The following TFB1M variants were observed in gnomAD, a reference collection of about 807,000 sequenced individuals.
TFB1M encodes the protein dimethyladenosine transferase 1, mitochondrial.
Under a neutral mutation model 31.1 loss-of-function variants are expected in TFB1M, and 27 were observed. That is an observed-to-expected ratio of 0.87 (90% CI 0.64 to 1.20). The LOEUF (loss-of-function observed/expected upper bound fraction) is 1.20, where lower values mean the gene tolerates loss of function less well. TFB1M is among the 50% of genes most tolerant of loss of function. The pLI is 0.00. For synonymous variants in TFB1M, 166 were observed against 151.8 expected (o/e 1.09, Z -0.69); for missense variants, 394 against 418.7 (o/e 0.94, Z 0.51).
At chr6:155,258,487 G>A (rs1171253706) in intron 6 of TFB1M, among the ~76,000 whole-genome samples, 1 of 152,150 alleles carries the variant, frequency 6.6e-6, no homozygotes, top group Non-Finnish European at 1.5e-5. Flanking sequence ...GAATTTGAAT[G>A]TATCAGCCTT....
the TFB1M span, among the ~76,000 whole-genome samples, chr6:155,231,907 CCT>C: frequency 6.6e-6 from 1 of 152,164 alleles, no homozygotes; most frequent in Non-Finnish European, 1.5e-5. Flanking sequence ...AAACTGAAAC[CCT>C]GTCTCTACTA....
chr6:155,254,594 G>A, downstream of TFB1M: 23 of 1,604,260 alleles, frequency 1.4e-5, no homozygotes, highest in Non-Finnish European at 2.0e-5. Context: ...TGCTAGCCTT[G>A]TGTTTATTCA....
chr6:155,258,453 C>G (rs1180963171), intron 6 of TFB1M, among the ~76,000 whole-genome samples: 1 of 152,170 alleles, frequency 6.6e-6, no homozygotes, highest in Non-Finnish European at 1.5e-5. Flanking sequence ...TCTTGTGTGA[C>G]AAATCATCAG....
intron 5 of TFB1M, among the ~76,000 whole-genome samples, chr6:155,279,640 G>A (rs969214779): frequency 2.4e-4 from 36 of 152,150 alleles, no homozygotes; most frequent in African/African-American, 8.2e-4. Context: ...CTTGACTTTT[G>A]AGATTTTTAG....
intron 4 of TFB1M, among the ~76,000 whole-genome samples, chr6:155,286,394 G>A (rs914888905): frequency 6.6e-6 from 1 of 151,312 alleles, no homozygotes; most frequent in East Asian, 1.9e-4. Context: ...ATGTATATAT[G>A]TATGTATATA....
intron 5 of TFB1M, among the ~76,000 whole-genome samples, chr6:155,266,058 C>T (rs1331408257): frequency 2.0e-5 from 3 of 151,964 alleles, no homozygotes; most frequent in Non-Finnish European, 2.9e-5. Flanking sequence ...AGATTGAGGG[C>T]GGGTCTACCT....
chr6:155,271,687 T>C (rs562165777), intron 5 of TFB1M, among the ~76,000 whole-genome samples: 11 of 152,352 alleles, frequency 7.2e-5, no homozygotes, highest in Non-Finnish European at 1.5e-4. Context: ...ACGACATTGT[T>C]AAAAATATTT....
chr6:155,251,485 C>A (rs1266999462), downstream of TFB1M, among the ~76,000 whole-genome samples: 1 of 152,126 alleles, frequency 6.6e-6, no homozygotes, highest in East Asian at 1.9e-4. Context: ...TGGGGTTTCA[C>A]CATGCTGGCC....
At chr6:155,254,560 T>G, downstream of TFB1M, 1 of 1,611,310 alleles carries the variant, frequency 6.2e-7, no homozygotes. Context: ...GAGTTCCTGT[T>G]TCGGCCAAAT....
intron 2 of TFB1M, among the ~76,000 whole-genome samples, chr6:155,304,470 C>CAGAGA (rs1272571857): frequency 6.6e-6 from 1 of 152,006 alleles, no homozygotes; most frequent in African/African-American, 2.4e-5. Context: ...ATTTAAAAAA[C>CAGAGA]AGAGAAAATA....
intron 2 of TFB1M, chr6:155,310,870 G>T: frequency 3.5e-6 from 1 of 282,322 alleles, no homozygotes; most frequent in Non-Finnish European, 6.7e-6. Context: ...TATTTTTGAA[G>T]GAATGGGCCA....
chr6:155,305,111 T>C (rs1777611348), intron 2 of TFB1M, among the ~76,000 whole-genome samples: 1 of 115,136 alleles, frequency 8.7e-6, no homozygotes, highest in Non-Finnish European at 1.6e-5. Context: ...TTATATATTA[T>C]ATATTTATAT....
intron 5 of TFB1M, among the ~76,000 whole-genome samples, chr6:155,281,721 CAAAA>C (rs1217317032): frequency 3.2e-5 from 2 of 63,236 alleles, no homozygotes; most frequent in African/African-American, 6.0e-5. Flanking sequence ...GACTCTGTCT[CAAAA>C]AAAAAAAAAA....
Position 155,282,385 on chromosome 6 carries a change from A to G in TFB1M, c.666+2773T>C, listed in dbSNP as rs139948333. Among the ~76,000 whole-genome samples the G allele has an allele frequency of 2.8e-3, 432 of 152,318 alleles. 3 individuals are homozygous for G. The highest frequency in any genetic ancestry group is 9.6e-3 in the African/African-American group (398 of 41,584). On this transcript the variant is annotated intron_variant, in intron 5 of 6. Transcript: ENST00000367166. ...ATTGAGTTAGTTAAAAGATTGAGAA[A>G]CAGAAGGGACAGCAGACTCTCACAG...
intron 4 of TFB1M, among the ~76,000 whole-genome samples, chr6:155,288,261 TGTTTGGAGA>T (rs2114750475): frequency 6.6e-6 from 1 of 152,316 alleles, no homozygotes; most frequent in South Asian, 2.1e-4. Flanking sequence ...GGCTCTTGTC[TGTTTGGAGA>T]GTTGAAATTA....
intron 5 of TFB1M, among the ~76,000 whole-genome samples, chr6:155,263,331 G>C (rs1183797970): frequency 6.6e-6 from 1 of 152,124 alleles, no homozygotes; most frequent in Admixed American, 6.5e-5. Flanking sequence ...CAGTACAAAG[G>C]CATCAGAAGT....
At chr6:155,300,575 CAA>C (rs1387538244) in intron 2 of TFB1M, among the ~76,000 whole-genome samples, 1 of 152,032 alleles carries the variant, frequency 6.6e-6, no homozygotes, top group Non-Finnish European at 1.5e-5. Context: ...ACGCCAAAAA[CAA>C]AGAGGCAGAA....
At chr6:155,297,188 G>C in intron 3 of TFB1M, 84 bp from the exon 4 acceptor site, 1 of 1,407,510 alleles carries the variant, frequency 7.1e-7, no homozygotes, top group Non-Finnish European at 9.9e-7. Context: ...AATCAGACTG[G>C]ATATTAATAG....
the TFB1M span, chr6:155,245,767 T>TTTTTTGCA: frequency 1.4e-6 from 2 of 1,440,622 alleles, no homozygotes; most frequent in Non-Finnish European, 1.9e-6. Context: ...TTTTTTTTTT[T>TTTTTTGCA]TTTGCATTTT....
Sources: gnomAD v4.1 joint callset for allele counts (sites outside exome capture counted in the v4.1 genomes callset) on GRCh38, gnomAD v4.1.1 for gene constraint, MANE v1.5 for transcripts, NCBI Gene and HGNC (gene_info 2026-07-23, HGNC 2026-07-21) for gene names.